Variants in UBE3C observed in about 807,000 individuals in gnomAD.
The protein encoded by UBE3C is ubiquitin-protein ligase E3C.
Under a neutral mutation model 129.4 loss-of-function variants are expected in UBE3C, and 42 were observed. The observed-to-expected ratio is 0.32, with a 90% CI of 0.25 to 0.42. UBE3C has a LOEUF of 0.42. Among genes scored for constraint, UBE3C ranks in the 10% least tolerant of loss-of-function variants. The probability of loss-of-function intolerance (pLI) is 1.00; values close to 1 mark genes in which losing one functional copy is unlikely to be tolerated. For synonymous variants in UBE3C, 510 were observed against 492.4 expected (o/e 1.04, Z -0.47); for missense variants, 1,049 against 1,319.1 (o/e 0.80, Z 3.17).
At chr7:157,221,780 A>G (rs1795743517) in intron 15 of UBE3C, 1 of 152,026 alleles carries the variant, frequency 6.6e-6, no homozygotes, top group South Asian at 2.1e-4. Flanking sequence ...GGGAAATGGT[A>G]TCTTCTTGTG....
chr7:157,267,060 T>C (rs535002153), intron 22 of UBE3C, among the ~76,000 whole-genome samples: 2 of 152,300 alleles, frequency 1.3e-5, no homozygotes, highest in African/African-American at 4.8e-5. Context: ...TTTATCCCTT[T>C]TTATGCCTGA....
At chr7:157,190,670 T>C (rs764333285) in intron 10 of UBE3C, among the ~76,000 whole-genome samples, 113 of 152,284 alleles carry the variant, frequency 7.4e-4, no homozygotes, top group Non-Finnish European at 4.9e-4. Flanking sequence ...TTGTGGAAAA[T>C]ACAACCCTGA....
chr7:157,200,757 C>T (rs572116556), intron 10 of UBE3C, among the ~76,000 whole-genome samples: 1 of 152,186 alleles, frequency 6.6e-6, no homozygotes, highest in Non-Finnish European at 1.5e-5. Flanking sequence ...ACCTCAACCT[C>T]ATGAGTAGCT....
At chr7:157,192,996 A>T (rs1809015679) in intron 10 of UBE3C, among the ~76,000 whole-genome samples, 1 of 152,198 alleles carries the variant, frequency 6.6e-6, no homozygotes, top group Admixed American at 6.5e-5. Context: ...AATTAAAGAA[A>T]ATCAGTTGCC....
At chr7:157,206,003 G>C (rs1809422985) in intron 11 of UBE3C, among the ~76,000 whole-genome samples, 1 of 152,088 alleles carries the variant, frequency 6.6e-6, no homozygotes, top group Admixed American at 6.5e-5. Flanking sequence ...CCTGACTCCT[G>C]GTTACATCTC....
rs576060883 is a variant in UBE3C at position 157,259,732 on chromosome 7, G to A, written c.3081+2688G>A. 6.6e-5 allele frequency among the ~76,000 whole-genome samples: 10 copies of A among 152,326 alleles called. No homozygotes were observed. In the South Asian group the frequency reaches 1.4e-3, roughly 22 times the overall value. ...GCTGCACAGGGCTGGAGGTGGCAGCGGGAGCTTCGGAGAAGTGGAGCGACC... is the reference window on the plus strand; with the variant it reads ...GCTGCACAGGGCTGGAGGTGGCAGCAGGAGCTTCGGAGAAGTGGAGCGACC... On this transcript the variant is annotated intron_variant, in intron 22 of 22. Transcript: ENST00000348165.
chr7:157,267,167 T>C lies in UBE3C; in HGVS notation c.3082-418T>C, dbSNP rs2240399. Among the ~76,000 whole-genome samples the C allele has an allele frequency of 2.2e-4, 34 of 152,240 alleles. No homozygotes were observed. The East Asian group carries it at 6.2e-3, about 28-fold the overall frequency. On this transcript the variant is annotated intron_variant, in intron 22 of 22. Transcript: ENST00000348165. ...GGCCAGGCACGGTGGCTCACGCCTG[T>C]AATCCCAGCACTTTGGGAGGCAGAG...
chr7:157,180,672 G>A (rs1314779272), intron 6 of UBE3C, among the ~76,000 whole-genome samples: 2 of 152,186 alleles, frequency 1.3e-5, no homozygotes, highest in Non-Finnish European at 1.5e-5. Context: ...AAGAATATAT[G>A]ATTTGGATCA....
At chr7:157,182,767 G>T (rs1436417332) in intron 8 of UBE3C, among the ~76,000 whole-genome samples, 1 of 151,796 alleles carries the variant, frequency 6.6e-6, no homozygotes, top group African/African-American at 2.4e-5. Flanking sequence ...GTGCGGGGGG[G>T]TATATAGAGT....
intron 16 of UBE3C, among the ~76,000 whole-genome samples, chr7:157,224,234 G>T (rs541235813): frequency 6.6e-6 from 1 of 151,586 alleles, no homozygotes; most frequent in Admixed American, 6.6e-5. Flanking sequence ...GTCCTCTGTC[G>T]CCCAGGCTGG....
At chr7:157,140,277 A>G (rs1033406313) in intron 1 of UBE3C, among the ~76,000 whole-genome samples, 11 of 151,956 alleles carry the variant, frequency 7.2e-5, no homozygotes, top group African/African-American at 2.4e-4. Flanking sequence ...CACATAACGC[A>G]GAGTGGGTGC....
At chr7:157,238,617 A>T (rs1422821366) in intron 18 of UBE3C, among the ~76,000 whole-genome samples, 1 of 152,010 alleles carries the variant, frequency 6.6e-6, no homozygotes, top group Admixed American at 6.6e-5. Flanking sequence ...AGGCATTCTT[A>T]TGGAGGCTTA....
At chr7:157,233,319 C>G (rs1796070684) in intron 18 of UBE3C, among the ~76,000 whole-genome samples, 2 of 152,144 alleles carry the variant, frequency 1.3e-5, no homozygotes, top group East Asian at 3.8e-4. Context: ...TGAAACAGGT[C>G]TTTCTCTGCC....
chr7:157,169,011 G>T, intron 2 of UBE3C, 37 bp from the exon 3 acceptor site: 2 of 1,554,804 alleles, frequency 1.3e-6, no homozygotes, highest in South Asian at 2.2e-5. Flanking sequence ...ACTGGATTCT[G>T]ACCAATTGCT....
intron 22 of UBE3C, among the ~76,000 whole-genome samples, chr7:157,261,361 A>T (rs914611184): frequency 3.7e-4 from 56 of 151,528 alleles, no homozygotes; most frequent in Middle Eastern, 3.5e-3. Context: ...CTAAAAGGGA[A>T]AATCCTACCC....
intron 9 of UBE3C, among the ~76,000 whole-genome samples, chr7:157,184,376 G>C (rs1236355270): frequency 6.6e-6 from 1 of 152,154 alleles, no homozygotes; most frequent in Non-Finnish European, 1.5e-5. Flanking sequence ...TGAACACCGG[G>C]TAGTGTCTTC....
chr7:157,156,300 C>CTTTTTTT (rs1173730075), intron 1 of UBE3C, among the ~76,000 whole-genome samples: 11 of 85,886 alleles, frequency 1.3e-4, no homozygotes, highest in Admixed American at 1.5e-4. Flanking sequence ...ACCCCCAGTT[C>CTTTTTTT]TTTTTTTTTT....
At chr7:157,171,406 G>A (rs1033343065) in intron 4 of UBE3C, among the ~76,000 whole-genome samples, 5 of 151,838 alleles carry the variant, frequency 3.3e-5, no homozygotes, top group South Asian at 2.1e-4. Context: ...AGAATTATAA[G>A]CATAAGCCAC....
At chr7:157,173,380 G>A (rs1200296694) in intron 4 of UBE3C, among the ~76,000 whole-genome samples, 1 of 152,194 alleles carries the variant, frequency 6.6e-6, no homozygotes, top group African/African-American at 2.4e-5. Flanking sequence ...CAGTTCTCAA[G>A]CATAGATGCG....
Sources: allele counts gnomAD v4.1 joint callset (sites outside exome capture counted in the v4.1 genomes callset), GRCh38; gene constraint gnomAD v4.1.1; transcripts MANE v1.5; gene names NCBI Gene and HGNC (gene_info 2026-07-23, HGNC 2026-07-21).